Variants in ELOVL6 observed in about 807,000 individuals in gnomAD.
The protein encoded by ELOVL6 is very long chain fatty acid elongase 6.
A neutral mutation model predicts 31.7 loss-of-function variants in ELOVL6; 8 were observed. The observed-to-expected ratio is 0.25, with a 90% confidence interval of 0.15 to 0.45. The LOEUF (loss-of-function observed/expected upper bound fraction) is 0.45, where lower values mean the gene tolerates loss of function less well. Ranked by LOEUF, ELOVL6 falls within the 20% of genes least tolerant of loss-of-function variation. The pLI is 1.00. For missense variants in ELOVL6, 126 were observed against 326.4 expected (o/e 0.39, Z 4.73); for synonymous variants, 101 against 117.7 (o/e 0.86, Z 0.92).
intron 1 of ELOVL6, among the ~76,000 whole-genome samples, chr4:110,154,277 A>G (rs1758355198): frequency 6.6e-6 from 1 of 152,068 alleles, no homozygotes; most frequent in African/African-American, 2.4e-5. Context: ...ATTTTTTGAT[A>G]CAGAGTCTCA....
chr4:110,108,266 C>T (rs1756939503), intron 1 of ELOVL6, among the ~76,000 whole-genome samples: 1 of 152,098 alleles, frequency 6.6e-6, no homozygotes, highest in Non-Finnish European at 1.5e-5. Context: ...AATTGAGATT[C>T]TGATTATGGT....
In ELOVL6 at chr4:110,048,647, A is replaced by G. The variant is rs953965671; in HGVS notation, c.*2691T>C. ...ATATCTTGATATGATTAAAGCGGCT[A>G]AGCTGAGATGTTAAAAACAGTGTAT... On this transcript the variant is annotated 3_prime_UTR_variant, in exon 4 of 4. Coordinates refer to ENST00000302274, the MANE Select transcript of ELOVL6 (RefSeq NM_024090.3). 2 of 152,194 alleles carry G rather than the reference A, an allele frequency of 1.3e-5. No individual in the cohort carries two copies. Among genetic ancestry groups the G allele is most frequent in the African/African-American group, 4.8e-5 (2 of 41,456 alleles). 9.4% of individuals were successfully genotyped at this position (152,194 alleles called of 1,614,324 possible).
rs1755090483 is a variant in ELOVL6 at position 110,059,824 on chromosome 4, A to C, written c.222-70T>G. ...TTCACTTCTCACATCAACCATACTTAGAAGACTGGTTGGCCACTGGCAGGA... is the reference window on the plus strand; with the variant it reads ...TTCACTTCTCACATCAACCATACTTCGAAGACTGGTTGGCCACTGGCAGGA... On this transcript the variant is annotated intron_variant, in intron 2 of 3. Coordinates refer to ENST00000302274, the MANE Select transcript of ELOVL6 (RefSeq NM_024090.3). The C allele has an allele frequency of 1.4e-5, 20 of 1,430,314 alleles. No homozygotes were observed. In the South Asian group the frequency reaches 2.3e-4, roughly 16 times the overall value. The allele number at this position is 1,430,314 out of a possible 1,614,324, so 88.6% of individuals were successfully genotyped here.
intron 1 of ELOVL6, among the ~76,000 whole-genome samples, chr4:110,130,090 G>A (rs1169496876): frequency 6.6e-6 from 1 of 151,740 alleles, no homozygotes; most frequent in Non-Finnish European, 1.5e-5. Context: ...TAGAGATGGG[G>A]TTTCACCATG....
intron 1 of ELOVL6, among the ~76,000 whole-genome samples, chr4:110,172,862 C>T (rs1213052103): frequency 1.3e-5 from 2 of 152,122 alleles, no homozygotes; most frequent in Non-Finnish European, 2.9e-5. Context: ...TTGAGTGTCA[C>T]ATGCAGGGGA....
chr4:110,059,560 G>A, intron 3 of ELOVL6, 43 bp downstream of exon 3: 1 of 1,585,710 alleles, frequency 6.3e-7, no homozygotes, highest in Admixed American at 1.7e-5. Flanking sequence ...CTGTGGATAT[G>A]TTGCTACAAA....
intron 1 of ELOVL6, among the ~76,000 whole-genome samples, chr4:110,194,351 T>C (rs920490711): frequency 1.3e-5 from 2 of 152,232 alleles, no homozygotes; most frequent in African/African-American, 2.4e-5. Context: ...TAAACTCTCA[T>C]TGACCAGATA....
rs1287586222 is a variant in ELOVL6, at chr4:110,046,416, AC to A, written c.*4921del. On this transcript the variant is annotated 3_prime_UTR_variant, in exon 4 of 4. Transcript: ENST00000302274. Reference sequence around the variant, plus strand: ...CTGCCCAGCCTAAAATCAAAGTGCCACTTTTGAGCTCTCCCAAGCCCCACTC... The same window carrying A: ...CTGCCCAGCCTAAAATCAAAGTGCCATTTTGAGCTCTCCCAAGCCCCACTC... 1 of 152,224 alleles carries A rather than the reference AC, an allele frequency of 6.6e-6. No individual in the cohort carries two copies. 9.4% of individuals were successfully genotyped at this position (152,224 alleles called of 1,614,324 possible). A position where few individuals can be genotyped will look rare whatever the true frequency, so the allele number is the denominator to read the frequency against.
chr4:110,096,800 T>C (rs1756591371), intron 2 of ELOVL6, among the ~76,000 whole-genome samples: 1 of 152,214 alleles, frequency 6.6e-6, no homozygotes, highest in African/African-American at 2.4e-5. Context: ...GTTATGTTAC[T>C]GCATGTATAG....
rs150459710 is a variant in ELOVL6 at position 110,173,468 on chromosome 4, T to C, written c.89+24779A>G. 1.4e-4 allele frequency among the ~76,000 whole-genome samples: 21 copies of C among 151,734 alleles called. No homozygotes were observed. The East Asian group carries it at 4.1e-3, about 30-fold the overall frequency. On this transcript the variant is annotated intron_variant, in intron 1 of 3. Transcript: ENST00000302274. Reference sequence around the variant, plus strand: ...TTAGACCTGATAAGAATGGTTTCCTTTACCTGATATTCTAGTTCTGCAAAA... The same window carrying C: ...TTAGACCTGATAAGAATGGTTTCCTCTACCTGATATTCTAGTTCTGCAAAA...
intron 1 of ELOVL6, among the ~76,000 whole-genome samples, chr4:110,135,138 C>A (rs1757778978): frequency 6.6e-6 from 1 of 152,134 alleles, no homozygotes; most frequent in Admixed American, 6.6e-5. Context: ...AGAGAATCAC[C>A]TTAAGGCTAA....
At position 110,050,384 on chromosome 4, in the gene ELOVL6, C is replaced by G. The variant is rs1578438369; in HGVS notation, c.*954G>C. ...TCACCTCTTTTCCCACTGCCTTTCT[C>G]CCTTTTCCAGCTCACAGTGGTCCTG... is the stretch of plus-strand genomic sequence containing the variant. On this transcript the variant is annotated 3_prime_UTR_variant, in exon 4 of 4. Transcript: ENST00000302274. The G allele has an allele frequency of 6.6e-6, 1 of 152,580 alleles. No individual in the cohort carries two copies. Among genetic ancestry groups the G allele is most frequent in the Admixed American group, 6.5e-5 (1 of 15,280 alleles). 9.5% of individuals were successfully genotyped at this position (152,580 alleles called of 1,614,324 possible).
At chr4:110,120,701 G>A (rs553182754) in intron 1 of ELOVL6, among the ~76,000 whole-genome samples, 5 of 151,540 alleles carry the variant, frequency 3.3e-5, no homozygotes, top group East Asian at 1.9e-4. Context: ...AGATTCCACC[G>A]CTACATTGTA....
chr4:110,158,633 G>GTATATATATATATATATATATATATA (rs1758530129), intron 1 of ELOVL6, among the ~76,000 whole-genome samples: 1 of 64,436 alleles, frequency 1.6e-5, no homozygotes, highest in Non-Finnish European at 2.6e-5. Context: ...ATATATACAC[G>GTATATATATATATATATATATATATA]TGTATATATA....
chr4:110,136,137 AT>A (rs2126259294), intron 1 of ELOVL6, among the ~76,000 whole-genome samples: 1 of 152,274 alleles, frequency 6.6e-6, no homozygotes, highest in Admixed American at 6.5e-5. Context: ...TTCTTGTGTT[AT>A]TTTGGTCTCA....
chr4:110,070,122 TC>T (rs1755426912), intron 2 of ELOVL6, among the ~76,000 whole-genome samples: 1 of 152,204 alleles, frequency 6.6e-6, no homozygotes, highest in Admixed American at 6.5e-5. Flanking sequence ...TGCCTTTTCT[TC>T]TTCACTCAAC....
chr4:110,066,929 C>G (rs1472710892), intron 2 of ELOVL6, among the ~76,000 whole-genome samples: 1 of 152,076 alleles, frequency 6.6e-6, no homozygotes, highest in East Asian at 1.9e-4. Context: ...CCCCCCACCC[C>G]CTGCCAGGCC....
chr4:110,186,729 A>AGGAGGT (rs909072954), intron 1 of ELOVL6, among the ~76,000 whole-genome samples: 15 of 147,786 alleles, frequency 1.0e-4, no homozygotes, highest in African/African-American at 3.2e-4. Context: ...ACTTGAACCC[A>AGGAGGT]GGAGGTGGAG....
At chr4:110,187,242 T>TTAAGAGGTCC (rs1306569789) in intron 1 of ELOVL6, among the ~76,000 whole-genome samples, 1 of 151,904 alleles carries the variant, frequency 6.6e-6, no homozygotes, top group Non-Finnish European at 1.5e-5. Flanking sequence ...AGCACCACAA[T>TTAAGAGGTCC]TAAGAGGTCC....
Sources: gnomAD v4.1 joint callset for allele counts (sites outside exome capture counted in the v4.1 genomes callset) on GRCh38, gnomAD v4.1.1 for gene constraint, MANE v1.5 for transcripts, NCBI Gene and HGNC (gene_info 2026-07-23, HGNC 2026-07-21) for gene names.